Variants in XKR4 observed in about 807,000 individuals in gnomAD.
XKR4 encodes XK related 4.
Under a neutral mutation model 53.9 loss-of-function variants are expected in XKR4, and 12 were observed. That is an observed-to-expected ratio of 0.22 (90% CI 0.14 to 0.36). The LOEUF is 0.36. Ranked by LOEUF, XKR4 falls within the 10% of genes least tolerant of loss-of-function variation. The pLI, the probability that XKR4 is intolerant of heterozygous loss-of-function variation, is 1.00. For synonymous variants in XKR4, 354 were observed against 362.4 expected (o/e 0.98, Z 0.26); for missense variants, 799 against 859.5 (o/e 0.93, Z 0.88).
intron 1 of XKR4, among the ~76,000 whole-genome samples, chr8:55,215,491 A>G (rs1255670032): frequency 6.6e-6 from 1 of 152,236 alleles, no homozygotes; most frequent in Non-Finnish European, 1.5e-5. Flanking sequence ...AAATTGCCAG[A>G]CAAAATACTA....
At chr8:55,110,715 GAAGCTA>G (rs1303894255) in intron 1 of XKR4, among the ~76,000 whole-genome samples, 1 of 152,164 alleles carries the variant, frequency 6.6e-6, no homozygotes, top group Non-Finnish European at 1.5e-5. Context: ...TCAGGGTGGA[GAAGCTA>G]TCTGATAGGT....
At chr8:55,144,927 G>A (rs1353462222) in intron 1 of XKR4, among the ~76,000 whole-genome samples, 1 of 151,844 alleles carries the variant, frequency 6.6e-6, no homozygotes, top group Non-Finnish European at 1.5e-5. Flanking sequence ...CACCTCCAGG[G>A]TTCAAGCGAT....
At position 55,151,778 on chromosome 8, in the gene XKR4, C is replaced by A. The variant is rs137945982; in HGVS notation, c.806+48484C>A. Reference sequence around the variant, plus strand: ...TTGCATGCTACTATTTTCACTAACACTTCATTATCCTCATATCATTAAATA... The same window carrying A: ...TTGCATGCTACTATTTTCACTAACAATTCATTATCCTCATATCATTAAATA... On this transcript the variant is annotated intron_variant, in intron 1 of 2. Coordinates refer to ENST00000327381, the MANE Select transcript of XKR4 (RefSeq NM_052898.2). Among the ~76,000 whole-genome samples the A allele has an allele frequency of 3.5e-3, 527 of 152,238 alleles. 5 individuals carry two copies. Among genetic ancestry groups the A allele is most frequent in the African/African-American group, 0.012 (494 of 41,546 alleles).
At chr8:55,439,580 A>C (rs1805235648) in intron 2 of XKR4, among the ~76,000 whole-genome samples, 1 of 152,238 alleles carries the variant, frequency 6.6e-6, no homozygotes. Flanking sequence ...AAAAACTAAA[A>C]TAAAATTTGT....
At chr8:55,213,856 C>CTTTTTTTTTTTTTTTTTTTTTT (rs11433893) in intron 1 of XKR4, among the ~76,000 whole-genome samples, 6 of 82,348 alleles carry the variant, frequency 7.3e-5, no homozygotes, top group African/African-American at 1.0e-4. Flanking sequence ...TTCTTTCTTT[C>CTTTTTTTTTTTTTTTTTTTTTT]TTTTTTTTTT....
chr8:55,515,681 C>T (rs1201544371), intron 2 of XKR4, among the ~76,000 whole-genome samples: 1 of 152,208 alleles, frequency 6.6e-6, no homozygotes, highest in Non-Finnish European at 1.5e-5. Context: ...GCATGGCTTT[C>T]CTCCCAGGTG....
intron 1 of XKR4, among the ~76,000 whole-genome samples, chr8:55,241,185 C>A (rs1232140465): frequency 6.6e-6 from 1 of 152,152 alleles, no homozygotes; most frequent in Admixed American, 6.5e-5. Context: ...GTTATTGGAA[C>A]TTTCAACCCG....
chr8:55,522,949 T>C (rs957627201), intron 2 of XKR4, among the ~76,000 whole-genome samples: 1 of 152,042 alleles, frequency 6.6e-6, no homozygotes, highest in African/African-American at 2.4e-5. Context: ...AAGAAAATCC[T>C]GGCTTACATG....
intron 1 of XKR4, among the ~76,000 whole-genome samples, chr8:55,341,484 C>G (rs1184236500): frequency 2.0e-5 from 3 of 152,158 alleles, no homozygotes; most frequent in Non-Finnish European, 4.4e-5. Context: ...CTCAGGGTAC[C>G]TGTGCCAGGA....
intron 1 of XKR4, among the ~76,000 whole-genome samples, chr8:55,261,669 A>T (rs780808185): frequency 1.3e-5 from 2 of 152,224 alleles, no homozygotes; most frequent in African/African-American, 2.4e-5. Flanking sequence ...CTTTCTTTGA[A>T]AATGAAATTG....
intron 2 of XKR4, among the ~76,000 whole-genome samples, chr8:55,498,218 C>T (rs989695437): frequency 5.9e-5 from 9 of 152,340 alleles, no homozygotes; most frequent in East Asian, 5.8e-4. Context: ...CTCTGGCAGC[C>T]GCTGCGCCCT....
chr8:55,487,909 A>G (rs890820345), intron 2 of XKR4, among the ~76,000 whole-genome samples: 1 of 152,220 alleles, frequency 6.6e-6, no homozygotes, highest in Admixed American at 6.5e-5. Flanking sequence ...TCCGCTTAAC[A>G]TGATGCCACC....
intron 1 of XKR4, among the ~76,000 whole-genome samples, chr8:55,273,142 C>CTG (rs5891567): frequency 0.039 from 5,808 of 147,486 alleles, 258 homozygotes; most frequent in African/African-American, 0.11. Context: ...GAAAAGAGGA[C>CTG]TGTGTGTGTG....
intron 1 of XKR4, among the ~76,000 whole-genome samples, chr8:55,136,619 C>A (rs1365670967): frequency 6.6e-6 from 1 of 152,164 alleles, no homozygotes; most frequent in African/African-American, 2.4e-5. Flanking sequence ...AGAGTTAAAA[C>A]ATATAGATTT....
chr8:55,214,494 A>T (rs1466133131), intron 1 of XKR4, among the ~76,000 whole-genome samples: 1 of 152,246 alleles, frequency 6.6e-6, no homozygotes, highest in Non-Finnish European at 1.5e-5. Flanking sequence ...GAATGAGAAG[A>T]TTAATTTGTC....
chr8:55,440,062 G>A (rs1805242283), intron 2 of XKR4, among the ~76,000 whole-genome samples: 1 of 152,158 alleles, frequency 6.6e-6, no homozygotes, highest in Admixed American at 6.6e-5. Flanking sequence ...AGAAATGGAA[G>A]TTAGATGATG....
chr8:55,511,338 T>C (rs1027880550), intron 2 of XKR4, among the ~76,000 whole-genome samples: 1 of 152,218 alleles, frequency 6.6e-6, no homozygotes, highest in South Asian at 2.1e-4. Flanking sequence ...ATTTGCGGAA[T>C]GAAGCCAGGA....
chr8:55,202,615 G>A (rs1225283014), intron 1 of XKR4, among the ~76,000 whole-genome samples: 2 of 152,234 alleles, frequency 1.3e-5, no homozygotes, highest in Non-Finnish European at 2.9e-5. Context: ...ACAGCTGAAG[G>A]TCTGGGGTTT....
intron 1 of XKR4, among the ~76,000 whole-genome samples, chr8:55,302,681 G>T (rs1449193751): frequency 6.6e-6 from 1 of 152,078 alleles, no homozygotes; most frequent in Non-Finnish European, 1.5e-5. Flanking sequence ...TTGAGCAGTG[G>T]TTTGTAGTTG....
Sources: gnomAD v4.1 joint callset for allele counts (sites outside exome capture counted in the v4.1 genomes callset) on GRCh38, gnomAD v4.1.1 for gene constraint, MANE v1.5 for transcripts, NCBI Gene and HGNC (gene_info 2026-07-23, HGNC 2026-07-21) for gene names.